The following TMEM116 variants were observed in gnomAD, a reference collection of about 807,000 sequenced individuals.
TMEM116 encodes transmembrane protein 116.
Under a neutral mutation model 44.3 loss-of-function variants are expected in TMEM116, and 38 were observed. That is an observed-to-expected ratio of 0.86 (90% confidence interval 0.66 to 1.12). The LOEUF (loss-of-function observed/expected upper bound fraction) is 1.12, where lower values mean the gene tolerates loss of function less well. TMEM116 is among the 50% of genes most tolerant of loss of function. The pLI is 0.00. For synonymous variants in TMEM116, 132 were observed against 144.8 expected, an observed-to-expected ratio of 0.91 and a Z score of 0.64; for missense variants, 354 against 401.7, an observed-to-expected ratio of 0.88 and a Z score of 1.01.
chr12:111,942,485 A>G (rs1230486661), intron 5 of TMEM116, among the ~76,000 whole-genome samples: 8 of 151,590 alleles, frequency 5.3e-5, no homozygotes, highest in Non-Finnish European at 7.4e-5. Context: ...TGTTAGCCCG[A>G]ATGGTGTCAA....
rs2076623245 is a variant in TMEM116, at chr12:111,991,846, C to T, written c.122G>A (p.Gly41Glu). ...AAGTGTCTCCGTGAGCCAGCAAAGTCCCAGGAGCAGGTCACAGAAGCTCAG... is the reference window on the plus strand; with the variant it reads ...AAGTGTCTCCGTGAGCCAGCAAAGTTCCAGGAGCAGGTCACAGAAGCTCAG... ...FYLSFCDLLL[G>E]LCWLTETLLY... Residue 41 changes from glycine to glutamate, a missense_variant, in exon 4 of 11, where the codon GGA (glycine) becomes GAA (glutamate). Transcript: ENST00000552374. The T allele has an allele frequency of 7.8e-6, 12 of 1,535,966 alleles. No homozygotes were observed. Among genetic ancestry groups the T allele is most frequent in the Non-Finnish European group, 1.0e-5 (12 of 1,146,736 alleles).
At chr12:111,964,983 C>T (rs1461841621) in intron 4 of TMEM116, among the ~76,000 whole-genome samples, 1 of 152,202 alleles carries the variant, frequency 6.6e-6, no homozygotes, top group Non-Finnish European at 1.5e-5. Flanking sequence ...ATGAAGCCAC[C>T]ATGCCCAGGT....
chr12:112,010,620 G>C (rs1266774953), intron 1 of TMEM116: 1 of 152,336 alleles, frequency 6.6e-6, no homozygotes, highest in Non-Finnish European at 1.5e-5. Context: ...CCCTGGAGAG[G>C]GTGGCTCTTC....
chr12:111,982,632 A>AAATC lies in TMEM116; in HGVS notation c.210+9122_210+9125dup, dbSNP rs533025843. 1.2e-3 allele frequency among the ~76,000 whole-genome samples: 182 copies of AAATC among 152,002 alleles called. 1 individual carries two copies. In the South Asian group the frequency reaches 0.015, roughly 12 times the overall value. ...TACAATTTTTATTTGTCAATATAGA[A>AAATC]AATCAATCAATCAATCAATCAATCA... On this transcript the variant is annotated intron_variant, in intron 4 of 10. Coordinates refer to ENST00000552374, the MANE Select transcript of TMEM116 (RefSeq NM_001193531.2).
rs147094406 is a variant in TMEM116, at chr12:112,003,750, A to T, written c.78+50T>A. The T allele has an allele frequency of 2.4e-4, 350 of 1,488,478 alleles. No homozygotes were observed. The African/African-American group carries it at 2.7e-3, about 12-fold the overall frequency. The allele number at this position is 1,488,478 out of a possible 1,614,324, so 92.2% of individuals were successfully genotyped here. ...AGGTAACATCTGTTATTTGTTTCAG[A>T]GACTAGGTCAATAAAAAGTTCAAAT... On this transcript the variant is annotated intron_variant, in intron 3 of 10. Transcript: ENST00000552374.
At chr12:111,967,134 C>T (rs2075030318) in intron 4 of TMEM116, among the ~76,000 whole-genome samples, 1 of 152,198 alleles carries the variant, frequency 6.6e-6, no homozygotes, top group Non-Finnish European at 1.5e-5. Context: ...GTGCAGACAT[C>T]TTATTTAACA....
At chr12:111,996,148 A>G (rs1427739065) in intron 3 of TMEM116, among the ~76,000 whole-genome samples, 1 of 152,022 alleles carries the variant, frequency 6.6e-6, no homozygotes, top group Non-Finnish European at 1.5e-5. Context: ...AATGTCTTCA[A>G]TTTTTGTTTA....
chr12:111,956,658 T>G (rs1282591028), intron 4 of TMEM116, among the ~76,000 whole-genome samples: 1 of 152,172 alleles, frequency 6.6e-6, no homozygotes. Context: ...GGACTGCAGG[T>G]GCGCGCCGCC....
Position 111,931,520 on chromosome 12 carries a change from A to G in TMEM116, c.*101T>C. The G allele has an allele frequency of 1.7e-6, 2 of 1,149,664 alleles. No homozygotes were observed. The highest frequency in any genetic ancestry group is 2.5e-6 in the Non-Finnish European group (2 of 785,566). The allele number at this position is 1,149,664 out of a possible 1,614,324, so 71.2% of individuals were successfully genotyped here. A position where few individuals can be genotyped will look rare whatever the true frequency, so the allele number is the denominator to read the frequency against. On this transcript the variant is annotated 3_prime_UTR_variant, in exon 11 of 11. Coordinates refer to ENST00000552374, the MANE Select transcript of TMEM116 (RefSeq NM_001193531.2). ...ATATTTCCTTTGAGTTCTGCAGTTT[A>G]GGGCATAGTTAGAAAAGATTTAAGA...
intron 4 of TMEM116, among the ~76,000 whole-genome samples, chr12:111,979,082 A>G (rs2075814127): frequency 6.6e-6 from 1 of 152,194 alleles, no homozygotes; most frequent in South Asian, 2.1e-4. Context: ...CATAGGAGAA[A>G]ATCTAGATGA....
chr12:111,988,144 T>C (rs1046923356), intron 4 of TMEM116, among the ~76,000 whole-genome samples: 5 of 152,106 alleles, frequency 3.3e-5, no homozygotes, highest in African/African-American at 7.2e-5. Flanking sequence ...AGACAGAAAG[T>C]AGAACAGTGG....
At chr12:111,948,789 T>C (rs1471042478) in intron 4 of TMEM116, among the ~76,000 whole-genome samples, 1 of 152,154 alleles carries the variant, frequency 6.6e-6, no homozygotes, top group Non-Finnish European at 1.5e-5. Flanking sequence ...AAATTCTTTT[T>C]AAAAAATGGC....
At chr12:111,950,793 C>T (rs1197299457) in intron 4 of TMEM116, among the ~76,000 whole-genome samples, 3 of 152,134 alleles carry the variant, frequency 2.0e-5, no homozygotes, top group African/African-American at 7.2e-5. Context: ...ATGACAAAGA[C>T]ATCAAAAGCA....
At position 111,968,992 on chromosome 12, in the gene TMEM116, C is replaced by CAA. The variant is rs1176204219; in HGVS notation, c.210+22764_210+22765dup. 3.0e-3 allele frequency among the ~76,000 whole-genome samples: 137 copies of CAA among 44,958 alleles called. 4 individuals are homozygous for CAA. In the South Asian group the frequency reaches 0.037, roughly 12 times the overall value. 29.5% of individuals were successfully genotyped at this position (44,958 alleles called of 152,430 possible). A position where few individuals can be genotyped will look rare whatever the true frequency, so the allele number is the denominator to read the frequency against. ...TGGGCAACAGAGCGAGACTCTATCT[C>CAA]AAAAAAAAAAAAAAAAAAAAAGAAA... On this transcript the variant is annotated intron_variant, in intron 4 of 10. Coordinates refer to ENST00000552374, the MANE Select transcript of TMEM116 (RefSeq NM_001193531.2).
intron 5 of TMEM116, among the ~76,000 whole-genome samples, chr12:111,941,783 A>G (rs7137889): frequency 0.2 from 29,838 of 152,030 alleles, 3,149 homozygotes; most frequent in Middle Eastern, 0.27. Flanking sequence ...CTCTGCCCCT[A>G]CCCTTCTTCA....
At chr12:112,008,571 CAT>C (rs2077693765) in intron 1 of TMEM116, among the ~76,000 whole-genome samples, 1 of 152,046 alleles carries the variant, frequency 6.6e-6, no homozygotes, top group Non-Finnish European at 1.5e-5. Context: ...CAAGTTAACA[CAT>C]ATTCATAAAA....
intron 4 of TMEM116, among the ~76,000 whole-genome samples, chr12:111,990,977 T>C (rs1167386588): frequency 6.6e-6 from 1 of 152,060 alleles, no homozygotes; most frequent in Non-Finnish European, 1.5e-5. Context: ...TCCCAGCACT[T>C]TGGGAGGCTG....
chr12:111,979,819 A>C (rs181442807), intron 4 of TMEM116, among the ~76,000 whole-genome samples: 50 of 152,356 alleles, frequency 3.3e-4, no homozygotes, highest in Non-Finnish European at 5.9e-4. Flanking sequence ...CAGGTAGCAA[A>C]TGAGCATATA....
At chr12:111,935,544 C>A (rs1454095646) in intron 8 of TMEM116, 1 of 151,588 alleles carries the variant, frequency 6.6e-6, no homozygotes, top group Non-Finnish European at 1.5e-5. Context: ...CGTAAACCAT[C>A]AAACCCATTT....
Sources: gnomAD v4.1 joint callset for allele counts (sites outside exome capture counted in the v4.1 genomes callset) on GRCh38, gnomAD v4.1.1 for gene constraint, MANE v1.5 for transcripts, NCBI Gene and HGNC (gene_info 2026-07-23, HGNC 2026-07-21) for gene names.